The following REC114 variants were observed in gnomAD, a reference collection of about 807,000 sequenced individuals.
The protein encoded by REC114 is meiotic recombination protein REC114.
A neutral mutation model predicts 31.3 loss-of-function variants in REC114; 27 were observed. The ratio of observed to expected loss-of-function variants is 0.86; its 90% CI spans 0.64 to 1.19. The LOEUF (loss-of-function observed/expected upper bound fraction) is 1.19. Among genes scored for constraint, REC114 ranks in the 50% most tolerant of loss-of-function variants. REC114 has a pLI of 0.00. For missense variants in REC114, 344 were observed against 326.9 expected, an observed-to-expected ratio of 1.05 and a Z score of -0.40; for synonymous variants, 134 against 127.7, an observed-to-expected ratio of 1.05 and a Z score of -0.33.
rs990487090 is a variant in REC114 at position 73,513,238 on chromosome 15, G to A, written c.250-27247G>A. Among the ~76,000 whole-genome samples, 6 of 151,178 alleles carry A rather than the reference G, an allele frequency of 4.0e-5. No homozygotes were observed. The South Asian group carries it at 8.4e-4, about 21-fold the overall frequency. On this transcript the variant is annotated intron_variant, in intron 2 of 5. Transcript: ENST00000331090. The stretch of plus-strand genomic sequence containing the variant: ...ACCCTTTCTTCCAGTTGATCGCATC[G>A]GCTCCTGAGGCTTCTGCATTCTTCA...
chr15:73,531,636 C>T (rs1332773686), intron 2 of REC114, among the ~76,000 whole-genome samples: 2 of 152,110 alleles, frequency 1.3e-5, no homozygotes, highest in African/African-American at 2.4e-5. Flanking sequence ...CAGAAATTGG[C>T]CCTCTTTCAT....
rs570339203 is a variant in REC114 at position 73,464,833 on chromosome 15, T to G, written c.160-8999T>G. Among the ~76,000 whole-genome samples the G allele has an allele frequency of 1.3e-4, 20 of 152,302 alleles. No homozygotes were observed. The South Asian group carries it at 1.5e-3, about 11-fold the overall frequency. On this transcript the variant is annotated intron_variant, in intron 1 of 5. Coordinates refer to ENST00000331090, the MANE Select transcript of REC114 (RefSeq NM_001042367.2). Reference sequence around the variant, plus strand: ...GAAAACGTCCTACTAGCTCTTTTTTTGTGGACCCTGAGACCTCAATCCACC... The same window carrying G: ...GAAAACGTCCTACTAGCTCTTTTTTGGTGGACCCTGAGACCTCAATCCACC...
chr15:73,500,254 A>G (rs1422230040), intron 2 of REC114, among the ~76,000 whole-genome samples: 1 of 152,042 alleles, frequency 6.6e-6, no homozygotes, highest in Non-Finnish European at 1.5e-5. Context: ...ATAGATGCCA[A>G]CACATCATAG....
intron 2 of REC114, among the ~76,000 whole-genome samples, chr15:73,528,193 A>G (rs1894031297): frequency 6.6e-6 from 1 of 152,238 alleles, no homozygotes. Flanking sequence ...GTATAACAAA[A>G]TAGTTGATGA....
chr15:73,529,005 A>G (rs1222668894), intron 2 of REC114, among the ~76,000 whole-genome samples: 1 of 152,228 alleles, frequency 6.6e-6, no homozygotes, highest in African/African-American at 2.4e-5. Context: ...AACCAAGATC[A>G]TCAGGAAAAT....
chr15:73,447,686 A>AATAG (rs1892786778), intron 1 of REC114, among the ~76,000 whole-genome samples: 1 of 149,456 alleles, frequency 6.7e-6, no homozygotes, highest in Non-Finnish European at 1.5e-5. Flanking sequence ...TAAATAAATA[A>AATAG]ATAGGAAAAT....
intron 2 of REC114, among the ~76,000 whole-genome samples, chr15:73,475,848 A>G (rs918802621): frequency 3.3e-5 from 5 of 152,184 alleles, no homozygotes; most frequent in African/African-American, 1.2e-4. Flanking sequence ...ACATTCATTC[A>G]CCACTCACTC....
At chr15:73,511,358 T>C (rs1428678786) in intron 2 of REC114, among the ~76,000 whole-genome samples, 64 of 151,800 alleles carry the variant, frequency 4.2e-4, no homozygotes, top group African/African-American at 1.1e-3. Context: ...GTCTTGCTAG[T>C]GGTCTATCAA....
chr15:73,461,348 C>T (rs16957919), intron 1 of REC114, among the ~76,000 whole-genome samples: 25,065 of 151,994 alleles, frequency 0.16, 3,252 homozygotes, highest in African/African-American at 0.36. Context: ...ATTTTGCACA[C>T]TTTTCATATT....
chr15:73,453,518 G>T (rs372840590), intron 1 of REC114, among the ~76,000 whole-genome samples: 2 of 152,194 alleles, frequency 1.3e-5, no homozygotes, highest in African/African-American at 4.8e-5. Context: ...TATACTGTTT[G>T]TAAGAGTGTA....
At chr15:73,546,592 C>T (rs915681297) in intron 3 of REC114, among the ~76,000 whole-genome samples, 4 of 151,800 alleles carry the variant, frequency 2.6e-5, no homozygotes, top group Non-Finnish European at 4.4e-5. Flanking sequence ...TTTACATATA[C>T]ACACACAATA....
chr15:73,531,836 A>C (rs150818976), intron 2 of REC114, among the ~76,000 whole-genome samples: 1 of 152,118 alleles, frequency 6.6e-6, no homozygotes, highest in Non-Finnish European at 1.5e-5. Flanking sequence ...ATCCCTGTGC[A>C]TCACCTGACA....
intron 3 of REC114, among the ~76,000 whole-genome samples, chr15:73,543,357 A>G (rs892619385): frequency 1.9e-4 from 29 of 152,090 alleles, no homozygotes; most frequent in Non-Finnish European, 7.4e-5. Context: ...TTTGAGACGG[A>G]GTTTCACTCT....
Position 73,551,021 on chromosome 15 carries a change from G to C in REC114, c.417G>C (p.Lys139Asn). The change falls in exon 4 of 6, where the codon AAG becomes AAC. Residue 139 changes from lysine to asparagine, a missense_variant. Coordinates refer to ENST00000331090, the MANE Select transcript of REC114 (RefSeq NM_001042367.2). ...ALEHCCSCVQ[K>N]LAQYITVQVP... ...AACACTGCTGCAGTTGTGTTCAGAA[G>C]CTGGCACAATACATAACCGTGCAGG... The C allele has an allele frequency of 1.2e-6, 2 of 1,613,890 alleles. No individual in the cohort carries two copies. Among genetic ancestry groups the C allele is most frequent in the Non-Finnish European group, 1.7e-6 (2 of 1,179,850 alleles).
chr15:73,523,873 G>A (rs1311562144), intron 2 of REC114, among the ~76,000 whole-genome samples: 1 of 152,156 alleles, frequency 6.6e-6, no homozygotes, highest in Non-Finnish European at 1.5e-5. Flanking sequence ...TGTATGATGT[G>A]AGGTAAGGGT....
chr15:73,532,498 C>T (rs1331956598), intron 2 of REC114, among the ~76,000 whole-genome samples: 1 of 150,658 alleles, frequency 6.6e-6, no homozygotes, highest in East Asian at 1.9e-4. Flanking sequence ...GGGTATATAC[C>T]CAGTAATGGG....
intron 2 of REC114, among the ~76,000 whole-genome samples, chr15:73,530,927 G>A (rs75133531): frequency 0.049 from 7,522 of 152,074 alleles, 202 homozygotes; most frequent in South Asian, 0.093. Context: ...CTGGGGACGA[G>A]GTGCACTGTG....
At chr15:73,461,713 A>G (rs2151254494) in intron 1 of REC114, among the ~76,000 whole-genome samples, 1 of 152,202 alleles carries the variant, frequency 6.6e-6, no homozygotes, top group South Asian at 2.1e-4. Context: ...GGAGGTTCCA[A>G]ATAAAGCTGT....
chr15:73,503,346 G>C lies in REC114; in HGVS notation c.249+29425G>C, dbSNP rs369233196. ...TATACTAAAAAGGGTGAGTTTTACT[G>C]TATGTTTATACCTCAACTTTTATTG... On this transcript the variant is annotated intron_variant, in intron 2 of 5. Coordinates refer to ENST00000331090, the MANE Select transcript of REC114 (RefSeq NM_001042367.2). Among the ~76,000 whole-genome samples the C allele has an allele frequency of 5.3e-4, 81 of 152,156 alleles. No homozygotes were observed. In the East Asian group the frequency reaches 0.015, roughly 28 times the overall value.
Sources: gnomAD v4.1 joint callset for allele counts (sites outside exome capture counted in the v4.1 genomes callset) on GRCh38, gnomAD v4.1.1 for gene constraint, MANE v1.5 for transcripts, NCBI Gene and HGNC (gene_info 2026-07-23, HGNC 2026-07-21) for gene names.